Variants in ELAPOR2 observed in about 807,000 individuals in gnomAD.
ELAPOR2 encodes endosome-lysosome associated apoptosis and autophagy regulator family member 2.
In ELAPOR2, 89 loss-of-function variants were observed where a neutral mutation model predicts 120.7. The observed-to-expected ratio is 0.74, with a 90% confidence interval of 0.62 to 0.88. The LOEUF (loss-of-function observed/expected upper bound fraction) is 0.88, where lower values mean the gene tolerates loss of function less well. ELAPOR2 is among the 40% of genes least tolerant of loss of function. The probability of loss-of-function intolerance (pLI) is 0.00; values close to 1 mark genes in which losing one functional copy is unlikely to be tolerated. For missense variants in ELAPOR2, 1,134 were observed against 1,251.6 expected (o/e 0.91, Z 1.42); for synonymous variants, 444 against 444.9 (o/e 1.00, Z 0.03).
chr7:86,891,538 C>T (rs140430195), intron 21 of ELAPOR2, 186 bp downstream of exon 21: 249 of 491,300 alleles, frequency 5.1e-4, no homozygotes, highest in African/African-American at 4.3e-3. Flanking sequence ...TGACAACCAA[C>T]GAAAACAATG....
At chr7:86,946,261 T>G (rs1034070826) in intron 3 of ELAPOR2, among the ~76,000 whole-genome samples, 3 of 152,146 alleles carry the variant, frequency 2.0e-5, no homozygotes, top group Non-Finnish European at 4.4e-5. Flanking sequence ...GGTAAACATG[T>G]AGAATAACTA....
chr7:86,899,396 A>C (rs1178809447), intron 18 of ELAPOR2, among the ~76,000 whole-genome samples: 1 of 152,100 alleles, frequency 6.6e-6, no homozygotes, highest in Non-Finnish European at 1.5e-5. Flanking sequence ...TTGCCCTGAA[A>C]ACCTCCTTTA....
intron 8 of ELAPOR2, among the ~76,000 whole-genome samples, chr7:86,935,450 A>G (rs991239659): frequency 5.3e-5 from 8 of 152,036 alleles, no homozygotes; most frequent in African/African-American, 1.9e-4. Context: ...ACCTCATAAA[A>G]TTCAAACTTC....
intron 2 of ELAPOR2, among the ~76,000 whole-genome samples, chr7:86,950,403 G>A (rs925482080): frequency 1.3e-5 from 2 of 152,170 alleles, no homozygotes; most frequent in African/African-American, 4.8e-5. Context: ...GGCCCTTTGG[G>A]GATACCAGAC....
At chr7:87,023,137 C>T (rs1011231566) in intron 1 of ELAPOR2, among the ~76,000 whole-genome samples, 1 of 152,122 alleles carries the variant, frequency 6.6e-6, no homozygotes, top group African/African-American at 2.4e-5. Context: ...GAAGTCCTTG[C>T]CCATGCCTAT....
chr7:86,946,348 A>C (rs1791008062), intron 3 of ELAPOR2, among the ~76,000 whole-genome samples: 1 of 152,254 alleles, frequency 6.6e-6, no homozygotes, highest in African/African-American at 2.4e-5. Flanking sequence ...AGAAAGTTCA[A>C]CATACATCTC....
Position 86,918,518 on chromosome 7 carries a change from G to C in ELAPOR2, c.1517C>G (p.Thr506Arg). ...TGTTATTCTTCCTAGTTCAGAACCC[G>C]TGGCTCCAGTCATAGATGTTGGTGG... is the stretch of plus-strand genomic sequence containing the variant. ...FKPPTSMTGA[T>R]GSELGRITFV... is the part of the protein sequence containing the mutation. The change falls in exon 12 of 22, where the codon ACG (threonine) becomes AGG (arginine). Residue 506 changes from threonine (T) to arginine (R), a missense_variant. Transcript: ENST00000450689. The C allele has an allele frequency of 6.2e-7, 1 of 1,612,110 alleles. No individual in the cohort carries two copies. The highest frequency in any genetic ancestry group is 8.5e-7 in the Non-Finnish European group (1 of 1,178,430).
At chr7:87,050,962 T>C (rs970062023) in intron 1 of ELAPOR2, among the ~76,000 whole-genome samples, 12 of 151,370 alleles carry the variant, frequency 7.9e-5, no homozygotes, top group Non-Finnish European at 1.8e-4. Flanking sequence ...ATACAAGGAG[T>C]AGGTTTGGGG....
chr7:87,057,740 T>C (rs1795307681), intron 1 of ELAPOR2, among the ~76,000 whole-genome samples: 1 of 151,960 alleles, frequency 6.6e-6, no homozygotes. Flanking sequence ...ATCTAAAAGA[T>C]TAGTCTAGTT....
At position 86,926,789 on chromosome 7, in the gene ELAPOR2, C is replaced by T. The variant is rs1435533305; in HGVS notation, c.1217G>A (p.Gly406Glu). 3.1e-6 allele frequency: 5 copies of T among 1,611,770 alleles called. No individual in the cohort carries two copies. The highest frequency in any genetic ancestry group is 4.2e-6 in the Non-Finnish European group (5 of 1,178,700). ...AGGACAGGGATGGCAAGAAGATGATCCATTGTTATAAAATCCAGGGTTGCA... is the reference window on the plus strand; with the variant it reads ...AGGACAGGGATGGCAAGAAGATGATTCATTGTTATAAAATCCAGGGTTGCA... ...PPCNPGFYNN[G>E]SSSCHPCPPG... The change falls in exon 9 of 22, where the codon GGA becomes GAA. Residue 406 changes from glycine to glutamate, a missense_variant. Coordinates refer to ENST00000450689, the MANE Select transcript of ELAPOR2 (RefSeq NM_001142749.3).
At chr7:87,024,728 C>T (rs1794187444) in intron 1 of ELAPOR2, among the ~76,000 whole-genome samples, 2 of 151,876 alleles carry the variant, frequency 1.3e-5, no homozygotes, top group South Asian at 2.1e-4. Context: ...ATAATTATCA[C>T]CGATCCCACA....
chr7:86,898,575 A>AG (rs1788557111), intron 18 of ELAPOR2, among the ~76,000 whole-genome samples: 1 of 151,466 alleles, frequency 6.6e-6, no homozygotes. Flanking sequence ...AAAAAAAAAA[A>AG]AAAAAGGCTC....
intron 4 of ELAPOR2, among the ~76,000 whole-genome samples, chr7:86,942,381 G>A (rs1481056939): frequency 6.6e-6 from 1 of 151,972 alleles, no homozygotes; most frequent in African/African-American, 2.4e-5. Flanking sequence ...CACTAACACT[G>A]TGACTAACAC....
At chr7:87,008,925 G>A (rs1793568960) in intron 1 of ELAPOR2, among the ~76,000 whole-genome samples, 1 of 151,940 alleles carries the variant, frequency 6.6e-6, no homozygotes, top group Non-Finnish European at 1.5e-5. Flanking sequence ...AGGAATCGGG[G>A]AAACATAAGT....
chr7:86,988,384 TA>T (rs35533486), intron 1 of ELAPOR2, among the ~76,000 whole-genome samples: 1 of 151,886 alleles, frequency 6.6e-6, no homozygotes, highest in Admixed American at 6.5e-5. Flanking sequence ...AATTCCACAG[TA>T]AAAAAATGCA....
intron 8 of ELAPOR2, among the ~76,000 whole-genome samples, chr7:86,934,992 A>C (rs965151876): frequency 6.6e-6 from 1 of 151,788 alleles, no homozygotes; most frequent in African/African-American, 2.4e-5. Flanking sequence ...CTTTACCATC[A>C]TTCACTTCCT....
chr7:86,959,299 G>C (rs543647903), intron 2 of ELAPOR2, among the ~76,000 whole-genome samples: 3 of 151,978 alleles, frequency 2.0e-5, no homozygotes, highest in Non-Finnish European at 4.4e-5. Context: ...TTTCTGATTC[G>C]TATGCCTTTT....
intron 1 of ELAPOR2, among the ~76,000 whole-genome samples, chr7:87,039,819 C>A (rs957116124): frequency 6.6e-5 from 10 of 152,180 alleles, no homozygotes; most frequent in Non-Finnish European, 1.2e-4. Context: ...GCGTGAGCGA[C>A]GCAGAAGACG....
At chr7:86,958,856 T>C (rs1218021266) in intron 2 of ELAPOR2, among the ~76,000 whole-genome samples, 1 of 152,224 alleles carries the variant, frequency 6.6e-6, no homozygotes, top group Non-Finnish European at 1.5e-5. Context: ...GGATTTTTTT[T>C]CCATTTCTAG....
Sources: allele counts gnomAD v4.1 joint callset (sites outside exome capture counted in the v4.1 genomes callset), GRCh38; gene constraint gnomAD v4.1.1; transcripts MANE v1.5; gene names NCBI Gene and HGNC (gene_info 2026-07-23, HGNC 2026-07-21).